The following EPHA4 variants were observed in gnomAD, a reference collection of about 807,000 sequenced individuals.
EPHA4 encodes the protein ephrin type-A receptor 4.
Under a neutral mutation model 108.3 loss-of-function variants are expected in EPHA4, and 19 were observed. The ratio of observed to expected loss-of-function variants is 0.18; its 90% confidence interval spans 0.12 to 0.26. EPHA4 has a LOEUF of 0.26. Ranked by LOEUF, EPHA4 falls within the 10% of genes least tolerant of loss-of-function variation. EPHA4 has a pLI of 1.00. For synonymous variants in EPHA4, 449 were observed against 455.5 expected, an observed-to-expected ratio of 0.99 and a Z score of 0.18; for missense variants, 917 against 1,254.0, an observed-to-expected ratio of 0.73 and a Z score of 4.06.
intron 3 of EPHA4, among the ~76,000 whole-genome samples, chr2:221,523,000 T>G (rs1693216472): frequency 6.6e-6 from 1 of 152,138 alleles, no homozygotes; most frequent in South Asian, 2.1e-4. Context: ...TGACCTCAGG[T>G]GATCCGCCTG....
intron 3 of EPHA4, among the ~76,000 whole-genome samples, chr2:221,508,326 C>T (rs906821257): frequency 6.6e-6 from 1 of 152,094 alleles, no homozygotes; most frequent in African/African-American, 2.4e-5. Flanking sequence ...CGCCTGTAAT[C>T]CCAGCACTTT....
At chr2:221,520,772 C>G (rs149835334) in intron 3 of EPHA4, among the ~76,000 whole-genome samples, 138 of 152,202 alleles carry the variant, frequency 9.1e-4, no homozygotes, top group African/African-American at 2.8e-3. Context: ...TGACGCTGAA[C>G]AAATGAAAAT....
At chr2:221,559,679 T>C (rs761306156) in intron 3 of EPHA4, among the ~76,000 whole-genome samples, 24 of 152,320 alleles carry the variant, frequency 1.6e-4, no homozygotes, top group East Asian at 1.9e-4. Context: ...TCATTAGGGG[T>C]ATGTCTGTCC....
At chr2:221,531,628 T>C (rs1302268963) in intron 3 of EPHA4, among the ~76,000 whole-genome samples, 2 of 152,268 alleles carry the variant, frequency 1.3e-5, no homozygotes, top group Middle Eastern at 3.4e-3. Context: ...TTTTTCTTCA[T>C]TGGTGTAGTA....
At chr2:221,480,248 C>T (rs969366169) in intron 5 of EPHA4, among the ~76,000 whole-genome samples, 1 of 152,102 alleles carries the variant, frequency 6.6e-6, no homozygotes, top group Admixed American at 6.5e-5. Context: ...GCGCATCTCC[C>T]ACAGGCTTTT....
chr2:221,465,700 C>T (rs1327777784), intron 5 of EPHA4, among the ~76,000 whole-genome samples: 1 of 152,122 alleles, frequency 6.6e-6, no homozygotes, highest in Non-Finnish European at 1.5e-5. Flanking sequence ...TTTTCTTGAA[C>T]CCACAAGCCA....
chr2:221,573,619 C>T (rs1574673095), upstream of EPHA4: 1 of 152,140 alleles, frequency 6.6e-6, no homozygotes, highest in African/African-American at 2.4e-5. This position sits in a 1 kb window ranked among gnomAD's most constrained non-coding sequence, Gnocchi z 4.5. Flanking sequence ...GCCTGGGTCC[C>T]GGCGGCCGGG....
chr2:221,499,602 C>T (rs1004631674), intron 4 of EPHA4, among the ~76,000 whole-genome samples: 1 of 149,730 alleles, frequency 6.7e-6, no homozygotes, highest in African/African-American at 2.4e-5. Context: ...GCCCAAAGTG[C>T]TCAAATACCC....
intron 3 of EPHA4, among the ~76,000 whole-genome samples, chr2:221,527,624 G>A (rs2106180044): frequency 6.6e-6 from 1 of 152,274 alleles, no homozygotes; most frequent in Non-Finnish European, 1.5e-5. Flanking sequence ...CAGACAATGG[G>A]GCAAGAGCGT....
chr2:221,547,230 C>T (rs770609337), intron 3 of EPHA4, among the ~76,000 whole-genome samples: 1 of 152,174 alleles, frequency 6.6e-6, no homozygotes, highest in African/African-American at 2.4e-5. Context: ...AATATTCTAC[C>T]TGAATCAGCT....
chr2:221,444,867 C>T (rs558552532), intron 9 of EPHA4, among the ~76,000 whole-genome samples: 5 of 145,166 alleles, frequency 3.4e-5, no homozygotes, highest in Non-Finnish European at 6.0e-5. Context: ...AAGCAATTCT[C>T]GTGCCTCAGC....
intron 17 of EPHA4, among the ~76,000 whole-genome samples, chr2:221,421,080 G>A (rs113341730): frequency 1.0e-3 from 152 of 152,240 alleles, no homozygotes; most frequent in African/African-American, 3.5e-3. Context: ...GGCGGATCAC[G>A]AGGTCAGGAG....
intron 1 of EPHA4, among the ~76,000 whole-genome samples, chr2:221,570,779 G>C (rs1694810156): frequency 6.6e-6 from 1 of 151,694 alleles, no homozygotes; most frequent in Non-Finnish European, 1.5e-5. Flanking sequence ...TGGATGGATA[G>C]ATGAATGGGT....
chr2:221,480,152 G>T (rs1691776474), intron 5 of EPHA4, among the ~76,000 whole-genome samples: 1 of 144,368 alleles, frequency 6.9e-6, no homozygotes, highest in South Asian at 2.2e-4. Context: ...AGTAGGTGTT[G>T]ACATAACTTC....
intron 3 of EPHA4, among the ~76,000 whole-genome samples, chr2:221,543,536 T>C (rs1319449351): frequency 6.6e-6 from 1 of 152,202 alleles, no homozygotes; most frequent in East Asian, 1.9e-4. Flanking sequence ...CTAAACCTGA[T>C]AACCTTATGA....
chr2:221,449,087 T>C (rs969921851), intron 8 of EPHA4, among the ~76,000 whole-genome samples: 30 of 152,130 alleles, frequency 2.0e-4, no homozygotes, highest in African/African-American at 7.0e-4. Flanking sequence ...CGTGGAGTGT[T>C]ATTTGGAGGA....
chr2:221,524,756 A>C (rs1029877144), intron 3 of EPHA4, among the ~76,000 whole-genome samples: 2 of 152,308 alleles, frequency 1.3e-5, no homozygotes, highest in East Asian at 3.9e-4. Flanking sequence ...ATTACTAAAC[A>C]CCAGCTGGAT....
At chr2:221,499,401 T>A (rs1692402790) in intron 4 of EPHA4, among the ~76,000 whole-genome samples, 1 of 150,702 alleles carries the variant, frequency 6.6e-6, no homozygotes, top group Admixed American at 6.6e-5. Context: ...AGATTTCTTA[T>A]AAACCACGTA....
At chr2:221,508,824 C>T (rs1196815723) in intron 3 of EPHA4, among the ~76,000 whole-genome samples, 1 of 152,114 alleles carries the variant, frequency 6.6e-6, no homozygotes, top group Non-Finnish European at 1.5e-5. Flanking sequence ...TCAAAGGAAA[C>T]TTACCAAACT....
Sources: gnomAD v4.1 joint callset for allele counts (sites outside exome capture counted in the v4.1 genomes callset) on GRCh38, gnomAD v4.1.1 for gene constraint, Gnocchi (gnomAD v3.1) non-coding constraint, MANE v1.5 for transcripts, NCBI Gene and HGNC (gene_info 2026-07-23, HGNC 2026-07-21) for gene names.